FAM240B: variants seen among roughly 807,000 people sequenced by gnomAD.
The protein encoded by FAM240B is family with sequence similarity 240 member B.
At chr9:38,717,705 A>G (rs1230879525) in intron 1 of FAM240B, among the ~76,000 whole-genome samples, 4 of 151,700 alleles carry the variant, frequency 2.6e-5, no homozygotes, top group African/African-American at 4.8e-5. Flanking sequence ...GATGGTCTCA[A>G]TATCCTGACC....
chr9:38,718,942 TA>T (rs1423686014), intron 1 of FAM240B, among the ~76,000 whole-genome samples: 1 of 152,222 alleles, frequency 6.6e-6, no homozygotes, highest in Non-Finnish European at 1.5e-5. Flanking sequence ...TTTGAATAGT[TA>T]TTTTTTTTAA....
chr9:38,702,854 A>T (rs1821146734), intron 2 of FAM240B, among the ~76,000 whole-genome samples: 2 of 152,240 alleles, frequency 1.3e-5, no homozygotes, highest in South Asian at 4.1e-4. Flanking sequence ...CATGTGCTAA[A>T]GATTGTAACA....
rs989834101 is a variant in FAM240B at position 38,717,205 on chromosome 9, T to C, written c.-4+2817A>G. On this transcript the variant is annotated intron_variant, in intron 1 of 2. Coordinates refer to ENST00000637493, the MANE Select transcript of FAM240B (RefSeq NM_001394922.1). ...TTGTTTCCCTTTTCTTGGGATGGTC[T>C]ACATATTTGGGATGCTCATGGAAAT... Among the ~76,000 whole-genome samples, 4 of 152,340 alleles carry C rather than the reference T, an allele frequency of 2.6e-5. 1 individual carries two copies. In the Middle Eastern group the frequency reaches 0.01, roughly 389 times the overall value.
intron 1 of FAM240B, among the ~76,000 whole-genome samples, chr9:38,713,338 C>T (rs78933952): frequency 0.052 from 7,850 of 152,006 alleles, 310 homozygotes; most frequent in Non-Finnish European, 0.086. Context: ...ATTAGCTGGG[C>T]ATGGTGGCGA....
At chr9:38,695,704 A>G (rs1054940096) in intron 2 of FAM240B, among the ~76,000 whole-genome samples, 8 of 152,216 alleles carry the variant, frequency 5.3e-5, no homozygotes, top group Admixed American at 1.3e-4. Context: ...AGCTATCAAG[A>G]AGATGATTCC....
intron 1 of FAM240B, among the ~76,000 whole-genome samples, chr9:38,706,009 C>T (rs1016904021): frequency 2.6e-5 from 4 of 152,182 alleles, no homozygotes; most frequent in Non-Finnish European, 4.4e-5. Context: ...ACATTTTCCT[C>T]AGTGCCAGCT....
At chr9:38,703,353 G>A (rs2119003324) in intron 2 of FAM240B, among the ~76,000 whole-genome samples, 1 of 152,278 alleles carries the variant, frequency 6.6e-6, no homozygotes, top group Admixed American at 6.5e-5. Flanking sequence ...CCACCTCCTT[G>A]TCTAACTCTC....
chr9:38,719,995 T>G (rs1564003041), intron 1 of FAM240B, 27 bp downstream of exon 1: 1 of 152,032 alleles, frequency 6.6e-6, no homozygotes. Flanking sequence ...TTCCCACACT[T>G]GACAACACAA....
intron 1 of FAM240B, among the ~76,000 whole-genome samples, chr9:38,708,371 G>T (rs982820002): frequency 6.6e-6 from 1 of 152,056 alleles, no homozygotes; most frequent in African/African-American, 2.4e-5. Context: ...GTTCAGGCTC[G>T]CTATTGCTGT....
At chr9:38,706,020 G>A (rs898007560) in intron 1 of FAM240B, among the ~76,000 whole-genome samples, 2 of 152,160 alleles carry the variant, frequency 1.3e-5, no homozygotes, top group Admixed American at 1.3e-4. Context: ...AGTGCCAGCT[G>A]CTCTGCGGGT....
chr9:38,717,412 C>G (rs1821318509), intron 1 of FAM240B, among the ~76,000 whole-genome samples: 1 of 151,990 alleles, frequency 6.6e-6, no homozygotes, highest in African/African-American at 2.4e-5. Context: ...AACCCCGTCT[C>G]TACTAAAAAA....
intron 2 of FAM240B, among the ~76,000 whole-genome samples, chr9:38,699,579 G>A (rs1020047089): frequency 6.6e-6 from 1 of 152,182 alleles, no homozygotes; most frequent in African/African-American, 2.4e-5. Flanking sequence ...CTGCCCACAG[G>A]GGAGCCATGT....
At chr9:38,717,077 A>T (rs1006262194) in intron 1 of FAM240B, among the ~76,000 whole-genome samples, 1 of 152,278 alleles carries the variant, frequency 6.6e-6, no homozygotes, top group Admixed American at 6.5e-5. Context: ...GAAGAACGGC[A>T]CACTCGGCAC....
intron 2 of FAM240B, among the ~76,000 whole-genome samples, chr9:38,698,454 T>C (rs918056553): frequency 2.0e-5 from 3 of 152,254 alleles, no homozygotes; most frequent in Non-Finnish European, 4.4e-5. Context: ...ATGGGATTTA[T>C]AATGGGCATT....
intron 1 of FAM240B, among the ~76,000 whole-genome samples, chr9:38,706,568 G>T (rs1460675240): frequency 6.6e-6 from 1 of 152,162 alleles, no homozygotes; most frequent in Non-Finnish European, 1.5e-5. Flanking sequence ...CCAAGAGCCG[G>T]CCCCTTTGGA....
chr9:38,719,123 T>C (rs150035790), intron 1 of FAM240B, among the ~76,000 whole-genome samples: 5 of 152,112 alleles, frequency 3.3e-5, no homozygotes, highest in Non-Finnish European at 2.9e-5. Flanking sequence ...TTCAGTTTTT[T>C]CACCTTCAAA....
intron 2 of FAM240B, among the ~76,000 whole-genome samples, chr9:38,700,567 G>A (rs894504480): frequency 6.6e-6 from 1 of 152,248 alleles, no homozygotes; most frequent in African/African-American, 2.4e-5. Flanking sequence ...AAAAGAGACT[G>A]TAGTCAATGA....
intron 1 of FAM240B, among the ~76,000 whole-genome samples, chr9:38,710,794 G>A (rs140489659): frequency 3.2e-3 from 486 of 152,264 alleles, no homozygotes; most frequent in African/African-American, 0.01. Flanking sequence ...CTTATGGAAT[G>A]CCTTTTATTC....
intron 1 of FAM240B, among the ~76,000 whole-genome samples, chr9:38,707,613 C>CAAAAAAAAAA (rs79179441): frequency 3.2e-5 from 3 of 92,348 alleles, no homozygotes; most frequent in South Asian, 3.1e-4. Context: ...CTAAAAAAAA[C>CAAAAAAAAAA]AAAAAAAAAA....
Sources: allele counts gnomAD v4.1 joint callset (sites outside exome capture counted in the v4.1 genomes callset), GRCh38; gene constraint gnomAD v4.1.1; transcripts MANE v1.5; gene names NCBI Gene and HGNC (gene_info 2026-07-23, HGNC 2026-07-21).